The following TTC28 variants were observed in gnomAD, a reference collection of about 807,000 sequenced individuals.
The protein encoded by TTC28 is tetratricopeptide repeat protein 28.
A neutral mutation model predicts 198.0 loss-of-function variants in TTC28; 61 were observed. The observed-to-expected ratio is 0.31, with a 90% CI of 0.25 to 0.38. TTC28 has a LOEUF of 0.38. Ranked by LOEUF, TTC28 falls within the 10% of genes least tolerant of loss-of-function variation. The pLI is 1.00. For synonymous variants in TTC28, 1,171 were observed against 1,297.8 expected, an observed-to-expected ratio of 0.90 and a Z score of 2.10; for missense variants, 2,678 against 3,164.0, an observed-to-expected ratio of 0.85 and a Z score of 3.69.
At chr22:28,087,356 T>C (rs1289415659) in intron 12 of TTC28, among the ~76,000 whole-genome samples, 1 of 152,078 alleles carries the variant, frequency 6.6e-6, no homozygotes, top group African/African-American at 2.4e-5. Flanking sequence ...GCTGGTTCAA[T>C]ATATGCAAAT....
chr22:28,470,472 C>G (rs1200834191), intron 2 of TTC28, among the ~76,000 whole-genome samples: 1 of 152,116 alleles, frequency 6.6e-6, no homozygotes, highest in Non-Finnish European at 1.5e-5. Context: ...AATCATAACT[C>G]ACAGTCTCCA....
At chr22:28,190,593 ACT>A (rs1191866493) in intron 5 of TTC28, among the ~76,000 whole-genome samples, 1 of 152,184 alleles carries the variant, frequency 6.6e-6, no homozygotes, top group Non-Finnish European at 1.5e-5. Flanking sequence ...TAATTAGGAA[ACT>A]CACATGAAAA....
chr22:28,431,874 AG>A (rs929421410), intron 2 of TTC28, among the ~76,000 whole-genome samples: 9 of 152,100 alleles, frequency 5.9e-5, no homozygotes, highest in African/African-American at 1.7e-4. Flanking sequence ...GCTACTTGGG[AG>A]GCTGAGGCAG....
chr22:28,084,221 G>C (rs917564033), intron 12 of TTC28, among the ~76,000 whole-genome samples: 1 of 152,188 alleles, frequency 6.6e-6, no homozygotes, highest in Non-Finnish European at 1.5e-5. Flanking sequence ...TCCTCAAGTG[G>C]GTCCCTGATC....
chr22:28,403,360 T>C (rs991143459), intron 2 of TTC28, among the ~76,000 whole-genome samples: 2 of 152,192 alleles, frequency 1.3e-5, no homozygotes, highest in South Asian at 2.1e-4. Context: ...ATATTAATAA[T>C]ACTGATGTCC....
chr22:28,036,942 C>T (rs941607200), intron 12 of TTC28, among the ~76,000 whole-genome samples: 2 of 152,170 alleles, frequency 1.3e-5, no homozygotes, highest in Admixed American at 1.3e-4. Context: ...AATTCCTCGA[C>T]ACATACACCC....
intron 15 of TTC28, 31 bp downstream of exon 15, chr22:28,001,343 C>T: frequency 6.5e-7 from 1 of 1,529,066 alleles, no homozygotes; most frequent in Non-Finnish European, 8.9e-7. Context: ...AAAACAAGCC[C>T]CCGGCCCCCC....
intron 5 of TTC28, among the ~76,000 whole-genome samples, chr22:28,283,816 T>A (rs2044629643): frequency 6.6e-6 from 1 of 152,144 alleles, no homozygotes; most frequent in Admixed American, 6.6e-5. Context: ...CCCAAGTAGT[T>A]GAGACTATAG....
intron 2 of TTC28, among the ~76,000 whole-genome samples, chr22:28,415,097 T>C (rs541248329): frequency 1.6e-4 from 25 of 152,208 alleles, no homozygotes; most frequent in African/African-American, 5.5e-4. Context: ...GCCAGATGGA[T>C]TGGAAAGTGG....
chr22:28,314,542 G>C (rs1450149726), intron 2 of TTC28, among the ~76,000 whole-genome samples: 8 of 151,936 alleles, frequency 5.3e-5, no homozygotes, highest in Non-Finnish European at 5.9e-5. Context: ...CAAAACAGAG[G>C]CCTCCTAAAT....
intron 6 of TTC28, among the ~76,000 whole-genome samples, chr22:28,137,932 T>C (rs1439814369): frequency 6.6e-6 from 1 of 152,044 alleles, no homozygotes; most frequent in Non-Finnish European, 1.5e-5. Context: ...GGAGAGGCAC[T>C]TGAGCCCGGG....
At chr22:28,564,919 TTA>T (rs941754860) in intron 2 of TTC28, among the ~76,000 whole-genome samples, 1 of 148,490 alleles carries the variant, frequency 6.7e-6, no homozygotes, top group African/African-American at 2.4e-5. Context: ...TATATATAAA[TTA>T]TATAATTCCA....
chr22:28,654,969 G>C (rs927450172), intron 1 of TTC28, among the ~76,000 whole-genome samples: 1 of 152,022 alleles, frequency 6.6e-6, no homozygotes. Flanking sequence ...ATGAATACTA[G>C]GACTATATTC....
intron 1 of TTC28, among the ~76,000 whole-genome samples, chr22:28,644,535 T>C (rs1276887049): frequency 6.7e-6 from 1 of 148,568 alleles, no homozygotes; most frequent in African/African-American, 2.5e-5. Flanking sequence ...CATTTAAAAA[T>C]GTTCCAGGCT....
At chr22:28,395,004 C>G (rs926819571) in intron 2 of TTC28, among the ~76,000 whole-genome samples, 9 of 152,040 alleles carry the variant, frequency 5.9e-5, no homozygotes, top group African/African-American at 1.9e-4. Context: ...CAATGAATAA[C>G]CAATATACCA....
chr22:28,085,746 T>C (rs547446311), intron 12 of TTC28, among the ~76,000 whole-genome samples: 13 of 152,156 alleles, frequency 8.5e-5, no homozygotes, highest in Non-Finnish European at 1.3e-4. Flanking sequence ...GACCCATCAG[T>C]GTGCTGTATT....
chr22:28,675,407 A>G (rs537310075), intron 1 of TTC28, among the ~76,000 whole-genome samples: 2 of 152,276 alleles, frequency 1.3e-5, no homozygotes, highest in Middle Eastern at 6.8e-3. Context: ...GAAAAAACAG[A>G]TAAGCTAGAC....
intron 5 of TTC28, among the ~76,000 whole-genome samples, chr22:28,224,426 G>C (rs998067826): frequency 6.6e-6 from 1 of 152,186 alleles, no homozygotes; most frequent in Admixed American, 6.5e-5. Context: ...TAGTGAGTAG[G>C]TTATATGACC....
chr22:28,163,120 A>C lies in TTC28; in HGVS notation c.1413T>G (p.Ala471=), dbSNP rs1921429395. The C allele has an allele frequency of 6.4e-7, 1 of 1,551,514 alleles. No homozygotes were observed. The highest frequency in any genetic ancestry group is 8.7e-7 in the Non-Finnish European group (1 of 1,146,872). ...LGIAEDLKDR[A]AEGRASSNLG... is the part of the protein sequence containing the mutation. ...GATTGGAGGATGCTCGCCCCTCTGC[A>C]GCCCGGTCCTTGAGATCCTCAGCAA... The change falls in exon 6 of 23, where the codon GCT becomes GCG. Residue 471 remains alanine (A), a synonymous_variant. Transcript: ENST00000397906.
Sources: allele counts gnomAD v4.1 joint callset (sites outside exome capture counted in the v4.1 genomes callset), GRCh38; gene constraint gnomAD v4.1.1; transcripts MANE v1.5; gene names NCBI Gene and HGNC (gene_info 2026-07-23, HGNC 2026-07-21).